Variants in TET1 observed in about 807,000 individuals in gnomAD.
The protein encoded by TET1 is methylcytosine dioxygenase TET1.
A neutral mutation model predicts 148.7 loss-of-function variants in TET1; 13 were observed. The ratio of observed to expected loss-of-function variants is 0.09; its 90% confidence interval spans 0.06 to 0.14. The LOEUF is 0.14. TET1 is among the 10% of genes least tolerant of loss of function. The pLI is 1.00. For synonymous variants in TET1, 907 were observed against 937.2 expected (o/e 0.97, Z 0.59); for missense variants, 2,182 against 2,553.8 (o/e 0.85, Z 3.14).
At chr10:68,593,715 C>A (rs1056008601) in intron 2 of TET1, among the ~76,000 whole-genome samples, 3 of 151,930 alleles carry the variant, frequency 2.0e-5, no homozygotes. Context: ...CAGGTTCAAG[C>A]GATTATCCTG....
Position 68,693,245 on chromosome 10 carries a change from C to T in TET1, c.*1431C>T. On this transcript the variant is annotated 3_prime_UTR_variant, in exon 12 of 12. Transcript: ENST00000373644. ...AAAACAAAAAGGATTACCCAAACAA[C>T]ATGTTTCGAACAAGGAGAATTTTCA... The T allele has an allele frequency of 4.3e-6, 1 of 232,682 alleles. No individual in the cohort carries two copies. Among genetic ancestry groups the T allele is most frequent in the East Asian group, 6.1e-5 (1 of 16,388 alleles). 14.4% of individuals were successfully genotyped at this position (232,682 alleles called of 1,614,324 possible).
chr10:68,617,178 C>A (rs555020579), intron 3 of TET1, among the ~76,000 whole-genome samples: 1 of 150,400 alleles, frequency 6.6e-6, no homozygotes, highest in East Asian at 2.0e-4. Context: ...CCTGCCACCA[C>A]GCCTGGCTAA....
intron 7 of TET1, among the ~76,000 whole-genome samples, chr10:68,671,899 G>A (rs9919476): frequency 0.05 from 7,671 of 152,114 alleles, 674 homozygotes; most frequent in African/African-American, 0.17. Flanking sequence ...TCCTGCCACT[G>A]TGCCAGGCTA....
At chr10:68,641,159 G>A (rs2054747215) in intron 3 of TET1, among the ~76,000 whole-genome samples, 1 of 151,680 alleles carries the variant, frequency 6.6e-6, no homozygotes. Context: ...TAAACAATGT[G>A]TCTTTTGGCA....
At position 68,573,760 on chromosome 10, in the gene TET1, A is replaced by G. The variant is rs749716169; in HGVS notation, c.1422A>G (p.Gly474=). 1 of 1,613,994 alleles carries G rather than the reference A, an allele frequency of 6.2e-7. No homozygotes were observed. The highest frequency in any genetic ancestry group is 2.2e-5 in the East Asian group (1 of 44,898). The change falls in exon 2 of 12, where the codon GGA becomes GGG. Residue 474 remains glycine, a synonymous_variant. Coordinates refer to ENST00000373644, the MANE Select transcript of TET1 (RefSeq NM_030625.3). The part of the protein sequence containing the change: ...GAIQILPLGS[G]HTPQSSSNSE... ...TACAGATTTTGCCTTTGGGCTCAGG[A>G]CACACTCCTCAATCATCATCAAACT...
At chr10:68,642,732 G>A (rs756232541) in intron 3 of TET1, among the ~76,000 whole-genome samples, 30 of 152,098 alleles carry the variant, frequency 2.0e-4, no homozygotes, top group Non-Finnish European at 3.5e-4. Context: ...AGCCTCCTGA[G>A]TAGCTGGGAT....
At chr10:68,597,688 A>G (rs2054004154) in intron 2 of TET1, among the ~76,000 whole-genome samples, 1 of 152,252 alleles carries the variant, frequency 6.6e-6, no homozygotes, top group African/African-American at 2.4e-5. Context: ...ATCACCAAAA[A>G]GTACAAATGT....
At chr10:68,621,330 C>T (rs919683020) in intron 3 of TET1, among the ~76,000 whole-genome samples, 4 of 152,060 alleles carry the variant, frequency 2.6e-5, no homozygotes, top group South Asian at 2.1e-4. Context: ...GCAACCTACA[C>T]CTCTTGGGTT....
chr10:68,674,838 AG>A, intron 8 of TET1: 1 of 448,550 alleles, frequency 2.2e-6, no homozygotes. Flanking sequence ...ATGACCCGAG[AG>A]GTGCAGACAA....
chr10:68,631,325 TAGAC>T (rs764851396), intron 3 of TET1, among the ~76,000 whole-genome samples: 1 of 152,188 alleles, frequency 6.6e-6, no homozygotes, highest in Non-Finnish European at 1.5e-5. Flanking sequence ...GAGTGCATGT[TAGAC>T]AGACAGTGAT....
At chr10:68,641,021 A>G (rs1374521479) in intron 3 of TET1, among the ~76,000 whole-genome samples, 3 of 150,654 alleles carry the variant, frequency 2.0e-5, no homozygotes, top group Non-Finnish European at 4.4e-5. Flanking sequence ...TACACTCATT[A>G]GTTTGCATAT....
chr10:68,666,747 A>C (rs924285323), intron 6 of TET1, among the ~76,000 whole-genome samples: 2 of 152,158 alleles, frequency 1.3e-5, no homozygotes, highest in Non-Finnish European at 2.9e-5. Flanking sequence ...GGCAGTGGAA[A>C]GTCCTACAGG....
Position 68,572,198 on chromosome 10 carries a change from T to C in TET1, c.-122-19T>C, listed in dbSNP as rs2053678085. On this transcript the variant is annotated intron_variant, in intron 1 of 11. Transcript: ENST00000373644. ...CATAGGAAAAAGACTCACTTCAGTG[T>C]ATTCTGTTGTTATTTCAGACCAAAA... 1.5e-6 allele frequency: 1 copy of C among 646,182 alleles called. No homozygotes were observed. The allele number at this position is 646,182 out of a possible 1,614,324, so 40.0% of individuals were successfully genotyped here. A position where few individuals can be genotyped will look rare whatever the true frequency, so the allele number is the denominator to read the frequency against.
At chr10:68,649,947 CAGAG>C (rs1273620675) in intron 4 of TET1, among the ~76,000 whole-genome samples, 2 of 152,078 alleles carry the variant, frequency 1.3e-5, no homozygotes, top group Non-Finnish European at 2.9e-5. Context: ...CACTTAAAGA[CAGAG>C]AAACAAAAAG....
chr10:68,650,648 A>T (rs544848266), intron 4 of TET1, among the ~76,000 whole-genome samples: 24 of 152,072 alleles, frequency 1.6e-4, no homozygotes, highest in Admixed American at 5.2e-4. Context: ...ATAATAATAA[A>T]AAATAAAGGT....
chr10:68,676,787 A>G (rs1293149383), intron 8 of TET1, among the ~76,000 whole-genome samples: 1 of 152,184 alleles, frequency 6.6e-6, no homozygotes, highest in African/African-American at 2.4e-5. Context: ...GGTTCAGCCT[A>G]CACAATTCTT....
rs1554812838 is a variant in TET1 at position 68,681,978 on chromosome 10, A to AC, written c.4914+491dup. ...GCAAGACTCTGTCTCAAAAAAAAAA[A>AC]CAAAAAAAACCAGTCATTGTTAATA... On this transcript the variant is annotated intron_variant, in intron 9 of 11. Transcript: ENST00000373644. Among the ~76,000 whole-genome samples, 269 of 150,346 alleles carry AC rather than the reference A, an allele frequency of 1.8e-3. 4 individuals are homozygous for AC. The highest frequency in any genetic ancestry group is 6.2e-3 in the African/African-American group (256 of 40,980).
Position 68,691,766 on chromosome 10 carries a change from C to T in TET1, c.6363C>T (p.Ser2121=). Residue 2121 remains serine (S), a synonymous_variant, in exon 12 of 12, where the codon TCC becomes TCT. Coordinates refer to ENST00000373644, the MANE Select transcript of TET1 (RefSeq NM_030625.3). The surrounding 1 kb of genome is among the most constrained non-coding windows in gnomAD (Gnocchi z 4.4). ...TLTHDNVVTV[S]PYALTHVAGP... The stretch of plus-strand genomic sequence containing the variant: ...CCCATGACAATGTTGTCACCGTGTC[C>T]CCTTATGCTCTCACACACGTTGCGG... 1 of 1,613,842 alleles carries T rather than the reference C, an allele frequency of 6.2e-7. No homozygotes were observed. The highest frequency in any genetic ancestry group is 1.7e-5 in the Admixed American group (1 of 60,012).
chr10:68,677,936 ATTTAT>A (rs1333981076), intron 8 of TET1, among the ~76,000 whole-genome samples: 2 of 151,782 alleles, frequency 1.3e-5, no homozygotes, highest in Admixed American at 6.6e-5. Flanking sequence ...TTTTATTTTT[ATTTAT>A]TTTATTTTAT....
Sources: allele counts gnomAD v4.1 joint callset (sites outside exome capture counted in the v4.1 genomes callset), GRCh38; gene constraint gnomAD v4.1.1; non-coding constraint Gnocchi (gnomAD v3.1); transcripts MANE v1.5; gene names NCBI Gene and HGNC (gene_info 2026-07-23, HGNC 2026-07-21).